RFX2: variants seen among roughly 807,000 people sequenced by gnomAD.
The protein encoded by RFX2 is DNA-binding protein RFX2.
RFX2 carries 20 observed loss-of-function variants against 87.8 expected under a neutral mutation model. The observed-to-expected ratio is 0.23, with a 90% CI of 0.16 to 0.33. RFX2 has a LOEUF of 0.33. RFX2 is among the 10% of genes least tolerant of loss of function. The pLI, the probability that RFX2 is intolerant of heterozygous loss-of-function variation, is 1.00. For synonymous variants in RFX2, 397 were observed against 431.3 expected (o/e 0.92, Z 0.98); for missense variants, 767 against 1,012.3 (o/e 0.76, Z 3.29).
Position 6,002,372 on chromosome 19 carries a change from G to A in RFX2, c.1650+349C>T, listed in dbSNP as rs1353470147. 2.0e-5 allele frequency among the ~76,000 whole-genome samples: 3 copies of A among 152,236 alleles called. No homozygotes were observed. Among genetic ancestry groups the A allele is most frequent in the South Asian group, 4.1e-4 (2 of 4,834 alleles). The stretch of plus-strand genomic sequence containing the variant: ...GCAGGGCCTGAAATAAGCATAGCTC[G>A]GAAGCTGCTGTGGGCCGACACTTTG... On this transcript the variant is annotated intron_variant, in intron 14 of 17. Coordinates refer to ENST00000303657, the MANE Select transcript of RFX2 (RefSeq NM_000635.4). The surrounding 1 kb of genome is among the most constrained non-coding windows in gnomAD (Gnocchi z 6.7).
chr19:6,073,222 C>T (rs1178579919), intron 1 of RFX2: 3 of 565,590 alleles, frequency 5.3e-6, no homozygotes, highest in Admixed American at 2.3e-5. Context: ...TCAGGTGATC[C>T]ACCCTCCTCA....
chr19:6,055,423 G>A (rs2087323665), intron 1 of RFX2, among the ~76,000 whole-genome samples: 1 of 152,132 alleles, frequency 6.6e-6, no homozygotes, highest in Admixed American at 6.6e-5. Flanking sequence ...GCAGCTTTTT[G>A]TTTGTTGGTT....
chr19:6,054,460 G>C (rs1304859268), intron 1 of RFX2, among the ~76,000 whole-genome samples: 1 of 152,024 alleles, frequency 6.6e-6, no homozygotes. Context: ...TATCTCTTAT[G>C]CACATATATG....
At chr19:6,069,430 C>T (rs771243150) in intron 1 of RFX2, among the ~76,000 whole-genome samples, 3 of 152,130 alleles carry the variant, frequency 2.0e-5, no homozygotes, top group Non-Finnish European at 2.9e-5. Flanking sequence ...GTATAGAGAA[C>T]ATGAGCTAGA....
chr19:6,038,580 A>G (rs960223758), intron 5 of RFX2, among the ~76,000 whole-genome samples: 3 of 152,158 alleles, frequency 2.0e-5, no homozygotes, highest in Non-Finnish European at 4.4e-5. Flanking sequence ...TTTGCAAGTC[A>G]CATATCTGAC....
chr19:6,010,985 G>A lies in RFX2; in HGVS notation c.900-734C>T, dbSNP rs1249856343. ...TACAAAATTAGCTGGGCGTGGTGGCGCATGCCTTTAATCCCAGCGACTCAG... is the reference window on the plus strand; with the variant it reads ...TACAAAATTAGCTGGGCGTGGTGGCACATGCCTTTAATCCCAGCGACTCAG... On this transcript the variant is annotated intron_variant, in intron 8 of 17. Coordinates refer to ENST00000303657, the MANE Select transcript of RFX2 (RefSeq NM_000635.4). This position sits in a 1 kb window ranked among gnomAD's most constrained non-coding sequence, Gnocchi z 5.0. 5.3e-5 allele frequency among the ~76,000 whole-genome samples: 8 copies of A among 151,934 alleles called. No individual in the cohort carries two copies. Among genetic ancestry groups the A allele is most frequent in the Admixed American group, 6.6e-5 (1 of 15,254 alleles).
At chr19:6,076,201 A>G (rs623062) in intron 1 of RFX2, among the ~76,000 whole-genome samples, 6,476 of 152,152 alleles carry the variant, frequency 0.043, 466 homozygotes, top group African/African-American at 0.15. Context: ...AAAATTAGCC[A>G]TGCGTGGTGG....
intron 6 of RFX2, among the ~76,000 whole-genome samples, chr19:6,025,205 C>T (rs2086871190): frequency 6.6e-6 from 1 of 152,126 alleles, no homozygotes; most frequent in Non-Finnish European, 1.5e-5. Context: ...CCAGAGCTTT[C>T]CTTCTCTGTT....
In RFX2 at chr19:5,999,863, G is replaced by C. The variant is rs2086467563; in HGVS notation, c.1859+1952C>G. Among the ~76,000 whole-genome samples, 1 of 152,118 alleles carries C rather than the reference G, an allele frequency of 6.6e-6. No individual in the cohort carries two copies. Among genetic ancestry groups the C allele is most frequent in the Non-Finnish European group, 1.5e-5 (1 of 68,024 alleles). On this transcript the variant is annotated intron_variant, in intron 15 of 17. Transcript: ENST00000303657. The surrounding 1 kb of genome is among the most constrained non-coding windows in gnomAD (Gnocchi z 4.1). ...CTGTGTGGCTGTCTGGGGGAAAGATGTTCCAGGCAAGGGGGGCAGGTGCAA... is the reference window on the plus strand; with the variant it reads ...CTGTGTGGCTGTCTGGGGGAAAGATCTTCCAGGCAAGGGGGGCAGGTGCAA...
rs574711941 is a variant in RFX2 at position 6,044,419 on chromosome 19, G to A, written c.91-137C>T. The A allele has an allele frequency of 1.4e-5, 7 of 510,242 alleles. No homozygotes were observed. Among genetic ancestry groups the A allele is most frequent in the South Asian group, 8.9e-5 (2 of 22,500 alleles). 31.6% of individuals were successfully genotyped at this position (510,242 alleles called of 1,614,324 possible). A position where few individuals can be genotyped will look rare whatever the true frequency, so the allele number is the denominator to read the frequency against. On this transcript the variant is annotated intron_variant, in intron 2 of 17. Transcript: ENST00000303657. This position sits in a 1 kb window ranked among gnomAD's most constrained non-coding sequence, Gnocchi z 5.3. ...GGCAGGACTGATCAGAGGCGACGGC[G>A]GGGTGATGGTCAGACTTGCACACTC...
rs535868243 is a variant in RFX2 at position 6,105,120 on chromosome 19, A to C, written c.-9+5273T>G. 1.6e-4 allele frequency among the ~76,000 whole-genome samples: 21 copies of C among 132,170 alleles called. No individual in the cohort carries two copies. The South Asian group carries it at 4.3e-3, about 27-fold the overall frequency. 86.7% of individuals were successfully genotyped at this position (132,170 alleles called of 152,430 possible). ...TGACAGAGTGAGACTCCGTCTCACA[A>C]AAAAAAAAAAAAAAGAAGTTAATAA... On this transcript the variant is annotated intron_variant, in intron 1 of 17. Transcript: ENST00000303657.
rs534246983 is a variant in RFX2 at position 6,063,500 on chromosome 19, C to T, written c.-8-15996G>A. Among the ~76,000 whole-genome samples the T allele has an allele frequency of 1.3e-5, 2 of 152,144 alleles. No homozygotes were observed. The highest frequency in any genetic ancestry group is 2.9e-5 in the Non-Finnish European group (2 of 68,012). Reference sequence around the variant, plus strand: ...CTGCCAGGGTGGGGATGGACAAGACCCCTCCAGCAGGGCCAGGCAGGCTGG... The same window carrying T: ...CTGCCAGGGTGGGGATGGACAAGACTCCTCCAGCAGGGCCAGGCAGGCTGG... On this transcript the variant is annotated intron_variant, in intron 1 of 17. Coordinates refer to ENST00000303657, the MANE Select transcript of RFX2 (RefSeq NM_000635.4). The surrounding 1 kb of genome is among the most constrained non-coding windows in gnomAD (Gnocchi z 4.0).
At position 6,064,827 on chromosome 19, in the gene RFX2, C is replaced by T. The variant is rs987240242; in HGVS notation, c.-8-17323G>A. Among the ~76,000 whole-genome samples, 2 of 152,172 alleles carry T rather than the reference C, an allele frequency of 1.3e-5. No homozygotes were observed. Among genetic ancestry groups the T allele is most frequent in the African/African-American group, 2.4e-5 (1 of 41,434 alleles). ...ATCTACCTCCTACCTCCCCTCCAGT[C>T]GTGATTTGATTCTGGAATTTAAGAA... is the stretch of plus-strand genomic sequence containing the variant. On this transcript the variant is annotated intron_variant, in intron 1 of 17. Coordinates refer to ENST00000303657, the MANE Select transcript of RFX2 (RefSeq NM_000635.4). This position sits in a 1 kb window ranked among gnomAD's most constrained non-coding sequence, Gnocchi z 4.8.
Position 6,106,096 on chromosome 19 carries a change from G to A in RFX2, c.-9+4297C>T, listed in dbSNP as rs906946237. Among the ~76,000 whole-genome samples, 5 of 152,034 alleles carry A rather than the reference G, an allele frequency of 3.3e-5. No individual in the cohort carries two copies. The East Asian group carries it at 5.8e-4, about 18-fold the overall frequency. Reference sequence around the variant, plus strand: ...TCCTTCACCTACCCTTATCCCTTTCGCCCACTTCATTCTGGGTCTTCCCCT... The same window carrying A: ...TCCTTCACCTACCCTTATCCCTTTCACCCACTTCATTCTGGGTCTTCCCCT... On this transcript the variant is annotated intron_variant, in intron 1 of 17. Coordinates refer to ENST00000303657, the MANE Select transcript of RFX2 (RefSeq NM_000635.4).
In RFX2 at chr19:6,007,996, G is replaced by A. The variant is rs79342694; in HGVS notation, c.1134+110C>T. The A allele has an allele frequency of 2.7e-5, 23 of 867,230 alleles. No homozygotes were observed. The highest frequency in any genetic ancestry group is 3.2e-5 in the Non-Finnish European group (17 of 527,480). The allele number at this position is 867,230 out of a possible 1,614,324, so 53.7% of individuals were successfully genotyped here. A position where few individuals can be genotyped will look rare whatever the true frequency, so the allele number is the denominator to read the frequency against. ...GCTGCTTCAGAGAGGATGCTTGTTGGGGGGCTCGGGGCTCCAGCTCCTCAG... is the reference window on the plus strand; with the variant it reads ...GCTGCTTCAGAGAGGATGCTTGTTGAGGGGCTCGGGGCTCCAGCTCCTCAG... On this transcript the variant is annotated intron_variant, in intron 10 of 17. Transcript: ENST00000303657. The surrounding 1 kb of genome is among the most constrained non-coding windows in gnomAD (Gnocchi z 8.2).
rs115249181 is a variant in RFX2 at position 6,089,499 on chromosome 19, C to T, written c.-9+20894G>A. Among the ~76,000 whole-genome samples the T allele has an allele frequency of 1.0e-3, 154 of 152,262 alleles. 1 individual carries two copies. The highest frequency in any genetic ancestry group is 3.4e-3 in the Middle Eastern group (1 of 294). On this transcript the variant is annotated intron_variant, in intron 1 of 17. Coordinates refer to ENST00000303657, the MANE Select transcript of RFX2 (RefSeq NM_000635.4). ...TGTTGAAACCTAACCCCCAATATGA[C>T]GGCATCTGGAGGTGGGGCCTTTGGG...
Position 6,001,770 on chromosome 19 carries a change from G to GC in RFX2, c.1859+44dup, listed in dbSNP as rs1372291959. 2 of 1,515,718 alleles carry GC rather than the reference G, an allele frequency of 1.3e-6. No homozygotes were observed. The highest frequency in any genetic ancestry group is 9.0e-7 in the Non-Finnish European group (1 of 1,116,014). 93.9% of individuals were successfully genotyped at this position (1,515,718 alleles called of 1,614,324 possible). A position where few individuals can be genotyped will look rare whatever the true frequency, so the allele number is the denominator to read the frequency against. ...CTACCCTCTAGAAGTTTCTCTCAGA[G>GC]CCCCCCACCCGCCAGAATTCTCTCG... is the stretch of plus-strand genomic sequence containing the variant. On this transcript the variant is annotated intron_variant, in intron 15 of 17. Transcript: ENST00000303657. The surrounding 1 kb of genome is among the most constrained non-coding windows in gnomAD (Gnocchi z 5.6).
At chr19:6,072,620 G>A (rs2087623607) in intron 1 of RFX2, among the ~76,000 whole-genome samples, 1 of 152,164 alleles carries the variant, frequency 6.6e-6, no homozygotes, top group Non-Finnish European at 1.5e-5. Flanking sequence ...CAGGAGGACT[G>A]CTTGAGGCCA....
chr19:6,071,722 G>C (rs1199137044), intron 1 of RFX2, among the ~76,000 whole-genome samples: 3 of 141,558 alleles, frequency 2.1e-5, no homozygotes, highest in Non-Finnish European at 4.5e-5. Flanking sequence ...AGAGGGAAAT[G>C]TTGGAGGTAT....
Sources: allele counts gnomAD v4.1 joint callset (sites outside exome capture counted in the v4.1 genomes callset), GRCh38; gene constraint gnomAD v4.1.1; non-coding constraint Gnocchi (gnomAD v3.1); transcripts MANE v1.5; gene names NCBI Gene and HGNC (gene_info 2026-07-23, HGNC 2026-07-21).